Variants in UGT8 observed in about 807,000 individuals in gnomAD.
The protein encoded by UGT8 is 2-hydroxyacylsphingosine 1-beta-galactosyltransferase.
UGT8 carries 12 observed loss-of-function variants against 40.5 expected under a neutral mutation model. The ratio of observed to expected loss-of-function variants is 0.30; its 90% CI spans 0.19 to 0.48. UGT8 has a LOEUF of 0.48. UGT8 is among the 20% of genes least tolerant of loss of function. The pLI is 0.99. For missense variants in UGT8, 513 were observed against 648.7 expected (o/e 0.79, Z 2.27); for synonymous variants, 224 against 240.4 (o/e 0.93, Z 0.63).
intron 2 of UGT8, among the ~76,000 whole-genome samples, chr4:114,625,185 C>G (rs1449442278): frequency 1.3e-5 from 2 of 152,062 alleles, no homozygotes; most frequent in Non-Finnish European, 2.9e-5. Context: ...GGTGATGTCT[C>G]TCTTCTTCAG....
chr4:114,624,890 C>T (rs1178898818), intron 2 of UGT8, among the ~76,000 whole-genome samples: 3 of 152,128 alleles, frequency 2.0e-5, no homozygotes, highest in Non-Finnish European at 2.9e-5. Flanking sequence ...TTCTCTCTGA[C>T]GTCAACTGTA....
intron 2 of UGT8, among the ~76,000 whole-genome samples, chr4:114,647,952 A>G (rs1349273972): frequency 3.9e-5 from 6 of 152,170 alleles, no homozygotes; most frequent in Admixed American, 3.9e-4. Context: ...ATTCCAATTC[A>G]TGGACAATGT....
intron 1 of UGT8, among the ~76,000 whole-genome samples, chr4:114,607,688 A>G (rs1331286228): frequency 1.3e-5 from 2 of 151,988 alleles, no homozygotes; most frequent in African/African-American, 4.8e-5. Context: ...TGACATCCCC[A>G]TTTGCCTCAG....
intron 1 of UGT8, among the ~76,000 whole-genome samples, chr4:114,601,389 T>C (rs531114736): frequency 2.0e-5 from 3 of 152,308 alleles, no homozygotes; most frequent in Middle Eastern, 3.4e-3. Flanking sequence ...TCAAATAATA[T>C]CAATTTGTTG....
chr4:114,639,922 G>A (rs1465269825), intron 2 of UGT8, among the ~76,000 whole-genome samples: 3 of 152,016 alleles, frequency 2.0e-5, no homozygotes, highest in Non-Finnish European at 2.9e-5. Context: ...GCCTTATTGG[G>A]TGCAGGGAAC....
intron 1 of UGT8, among the ~76,000 whole-genome samples, chr4:114,615,575 G>C (rs1026163719): frequency 2.6e-5 from 4 of 152,126 alleles, no homozygotes; most frequent in Non-Finnish European, 4.4e-5. Context: ...AGGCAGGGCT[G>C]GTGTTATGGT....
intron 1 of UGT8, among the ~76,000 whole-genome samples, chr4:114,621,662 T>A (rs981797329): frequency 6.6e-6 from 1 of 152,180 alleles, no homozygotes; most frequent in East Asian, 1.9e-4. Context: ...AATTAGAAGA[T>A]GAACAGATGT....
At chr4:114,624,029 T>G (rs1732027001) in intron 2 of UGT8, among the ~76,000 whole-genome samples, 1 of 152,206 alleles carries the variant, frequency 6.6e-6, no homozygotes, top group Non-Finnish European at 1.5e-5. Context: ...TGAGTATAAG[T>G]GATTTTATCT....
At chr4:114,622,102 C>T in intron 1 of UGT8, among the ~76,000 whole-genome samples, 1 of 118,132 alleles carries the variant, frequency 8.5e-6, no homozygotes, top group Non-Finnish European at 1.7e-5. Context: ...TATCCCTCCC[C>T]CCTCCCCCCA....
intron 1 of UGT8, among the ~76,000 whole-genome samples, chr4:114,601,152 G>A (rs997961990): frequency 1.3e-5 from 2 of 152,056 alleles, no homozygotes; most frequent in African/African-American, 4.8e-5. Flanking sequence ...CTTGGTACGC[G>A]TCTTAGAATA....
chr4:114,667,972 CCTT>C (rs1734993998), intron 4 of UGT8, 110 bp from the exon 5 acceptor site: 1 of 1,465,054 alleles, frequency 6.8e-7, no homozygotes, highest in African/African-American at 1.4e-5. Context: ...CTTTAGGAAT[CCTT>C]TATCTGAAAT....
intron 3 of UGT8, chr4:114,665,365 G>A (rs761613442): frequency 8.3e-5 from 82 of 985,062 alleles, no homozygotes; most frequent in Non-Finnish European, 9.6e-5. Context: ...ATAACTTCTA[G>A]TGTAGGTTTA....
At chr4:114,653,870 G>A (rs1734023998) in intron 2 of UGT8, among the ~76,000 whole-genome samples, 1 of 152,048 alleles carries the variant, frequency 6.6e-6, no homozygotes, top group Admixed American at 6.6e-5. Flanking sequence ...CTTCTGAGGA[G>A]GAAACCATAT....
chr4:114,652,327 G>A (rs1055363240), intron 2 of UGT8, among the ~76,000 whole-genome samples: 21 of 151,836 alleles, frequency 1.4e-4, no homozygotes, highest in African/African-American at 5.1e-4. Context: ...GAGGAAGTAA[G>A]AAACAGAAGG....
chr4:114,622,880 T>C lies in UGT8; in HGVS notation c.-1T>C. The C allele has an allele frequency of 1.2e-6, 2 of 1,603,832 alleles. No homozygotes were observed. The highest frequency in any genetic ancestry group is 1.7e-6 in the Non-Finnish European group (2 of 1,173,310). ...GTTGTTTTCTGGTTGTTATTACAGC[T>C]ATGAAGTCTTACACTCCATATTTCA... is the stretch of plus-strand genomic sequence containing the variant. On this transcript the variant is annotated splice_region_variant and 5_prime_UTR_variant, in exon 2 of 6. Transcript: ENST00000310836.
intron 1 of UGT8, among the ~76,000 whole-genome samples, chr4:114,618,128 A>G (rs1731556123): frequency 6.6e-6 from 1 of 152,018 alleles, no homozygotes; most frequent in African/African-American, 2.4e-5. Context: ...ATTATTTTCA[A>G]ACATTATTTT....
chr4:114,674,228 ACAT>A (rs1735477238), intron 5 of UGT8, among the ~76,000 whole-genome samples: 2 of 152,096 alleles, frequency 1.3e-5, no homozygotes, highest in African/African-American at 2.4e-5. Context: ...TCCTTTCATT[ACAT>A]CCCAAACTGT....
chr4:114,625,907 G>C (rs1732182817), intron 2 of UGT8, among the ~76,000 whole-genome samples: 1 of 152,084 alleles, frequency 6.6e-6, no homozygotes, highest in Non-Finnish European at 1.5e-5. Flanking sequence ...TTTCCTCTGG[G>C]CTATTTGTAG....
intron 2 of UGT8, among the ~76,000 whole-genome samples, chr4:114,646,453 T>C (rs1229132250): frequency 2.0e-5 from 3 of 152,032 alleles, no homozygotes. Context: ...AACAGTGAAG[T>C]TGTCATCATT....
Sources: allele counts gnomAD v4.1 joint callset (sites outside exome capture counted in the v4.1 genomes callset), GRCh38; gene constraint gnomAD v4.1.1; transcripts MANE v1.5; gene names NCBI Gene and HGNC (gene_info 2026-07-23, HGNC 2026-07-21).